Variants in TRPM8 observed in about 807,000 individuals in gnomAD.
The protein encoded by TRPM8 is transient receptor potential cation channel subfamily M member 8.
In TRPM8, 110 loss-of-function variants were observed where a neutral mutation model predicts 133.7. The ratio of observed to expected loss-of-function variants is 0.82; its 90% CI spans 0.70 to 0.96. The LOEUF (loss-of-function observed/expected upper bound fraction) is 0.96, where lower values mean the gene tolerates loss of function less well. Among genes scored for constraint, TRPM8 ranks in the 40% least tolerant of loss-of-function variants. The probability of loss-of-function intolerance (pLI) is 0.00; values close to 1 mark genes in which losing one functional copy is unlikely to be tolerated. For missense variants in TRPM8, 1,291 were observed against 1,379.5 expected (o/e 0.94, Z 1.02); for synonymous variants, 535 against 532.3 (o/e 1.01, Z -0.07).
rs139165353 is a variant in TRPM8 at position 233,937,434 on chromosome 2, C to A, written c.273C>A (p.Tyr91Ter). 6 of 1,614,040 alleles carry A rather than the reference C, an allele frequency of 3.7e-6. No individual in the cohort carries two copies. In the East Asian group the frequency reaches 1.3e-4, roughly 36 times the overall value. Reference sequence around the variant, plus strand: ...TCAACCAAAGTGAGAAATGGAACTACAAGAAACACACCAAGGAATTTCCTA... The same window carrying A: ...TCAACCAAAGTGAGAAATGGAACTAAAAGAAACACACCAAGGAATTTCCTA... ...TQINQSEKWN[Y>*]KKHTKEFPTD... is the part of the protein sequence containing the mutation. Residue 91 changes from tyrosine to a stop codon, truncating the protein, a stop_gained, in exon 4 of 26, where the codon TAC (tyrosine) becomes TAA (stop). Transcript: ENST00000324695. LOFTEE classifies it high-confidence loss of function.
In TRPM8 at chr2:233,942,708, T is replaced by C. The variant is rs893643190; in HGVS notation, c.659T>C (p.Val220Ala). ...VAIGIAAWGM[V>A]SNRDTLIRNC... ...ATTGGCATAGCAGCTTGGGGCATGG[T>C]CTCCAACCGGGACACCCTCATCAGG... The change falls in exon 6 of 26, where the codon GTC (valine) becomes GCC (alanine). Residue 220 changes from valine to alanine, a missense_variant. Val to Ala is a moderately conservative substitution (Grantham distance 64, BLOSUM62 0). Coordinates refer to ENST00000324695, the MANE Select transcript of TRPM8 (RefSeq NM_024080.5). 2.5e-6 allele frequency: 4 copies of C among 1,613,974 alleles called. No individual in the cohort carries two copies. Among genetic ancestry groups the C allele is most frequent in the Admixed American group, 3.3e-5 (2 of 59,992 alleles).
chr2:233,979,170 G>C (rs1399513534), intron 17 of TRPM8, among the ~76,000 whole-genome samples: 1 of 152,156 alleles, frequency 6.6e-6, no homozygotes, highest in Non-Finnish European at 1.5e-5. Context: ...GTGCCCTCTT[G>C]CTTTGGTGAC....
chr2:233,966,807 T>A lies in TRPM8; in HGVS notation c.2025+52T>A, dbSNP rs2125207052. 3.4e-6 allele frequency: 5 copies of A among 1,463,370 alleles called. No homozygotes were observed. The East Asian group carries it at 1.2e-4, about 36-fold the overall frequency. 90.6% of individuals were successfully genotyped at this position (1,463,370 alleles called of 1,614,324 possible). On this transcript the variant is annotated intron_variant, in intron 15 of 25. Transcript: ENST00000324695. ...CACGGCCAGAAATGGGGCTTTTATG[T>A]CAGATGCTACTAGCAGCATTAAACA...
At chr2:233,953,842 T>C in intron 9 of TRPM8, 75 bp from the exon 10 acceptor site, 1 of 1,134,448 alleles carries the variant, frequency 8.8e-7, no homozygotes, top group Non-Finnish European at 1.3e-6. Flanking sequence ...AAAAGATCTC[T>C]CACAAAAAGA....
At chr2:233,984,972 T>C (rs1692109413) in intron 20 of TRPM8, among the ~76,000 whole-genome samples, 1 of 151,810 alleles carries the variant, frequency 6.6e-6, no homozygotes, top group Non-Finnish European at 1.5e-5. Context: ...TAGTCCCAGC[T>C]ACTCGGGAGG....
At chr2:233,959,537 C>T (rs1158020419) in intron 11 of TRPM8, among the ~76,000 whole-genome samples, 1 of 151,932 alleles carries the variant, frequency 6.6e-6, no homozygotes, top group Non-Finnish European at 1.5e-5. Context: ...TCTCAAACTC[C>T]TGACCTCAAT....
At chr2:233,950,281 G>C (rs1691144502) in intron 9 of TRPM8, 135 bp downstream of exon 9, 12 of 812,138 alleles carry the variant, frequency 1.5e-5, no homozygotes, top group Admixed American at 2.7e-5. Flanking sequence ...GGCTCAACAG[G>C]TGTCTTGCTG....
rs752437095 is a variant in TRPM8, at chr2:233,945,989, G to C, written c.833G>C (p.Arg278Pro). Residue 278 changes from arginine to proline, a missense_variant, in exon 7 of 26, where the codon CGG becomes CCG. Around this residue, in one of 2 missense-constraint regions of TRPM8, gnomAD observed 963 missense variants for 968.9 expected, o/e 0.99. Coordinates refer to ENST00000324695, the MANE Select transcript of TRPM8 (RefSeq NM_024080.5). ...HGHPTVEAKL[R>P]NQLEKYISER... The stretch of plus-strand genomic sequence containing the variant: ...CATCCCACTGTCGAAGCAAAGCTCC[G>C]GAATCAGCTAGAGAAGTATATCTCT... The C allele has an allele frequency of 1.2e-6, 2 of 1,613,972 alleles. No individual in the cohort carries two copies. The highest frequency in any genetic ancestry group is 1.7e-6 in the Non-Finnish European group (2 of 1,179,994).
At chr2:233,992,132 GT>G in intron 21 of TRPM8, among the ~76,000 whole-genome samples, 1 of 152,206 alleles carries the variant, frequency 6.6e-6, no homozygotes, top group South Asian at 2.1e-4. Flanking sequence ...TGTTTTTTCA[GT>G]GACTACGTTT....
chr2:233,970,169 G>C (rs183421282), intron 16 of TRPM8, 41 bp from the exon 17 acceptor site: 2 of 1,574,184 alleles, frequency 1.3e-6, no homozygotes, highest in East Asian at 4.5e-5. Context: ...CCCGTCCCAT[G>C]CTTGCAAGGA....
rs778778143 is a variant in TRPM8 at position 234,006,923 on chromosome 2, CAACACAAA to C, written c.3203_3210del (p.Asn1068SerfsTer13). 6.8e-5 allele frequency: 110 copies of C among 1,613,924 alleles called. No homozygotes were observed. ...TGAAGGAAAACTACCTTGTCAAGAT[CAACACAAA>C]AGCCAACGACACCTCAGAGGAGTAT... is the stretch of plus-strand genomic sequence containing the variant. On this transcript the variant is annotated frameshift_variant, in exon 23 of 26. Transcript: ENST00000324695. LOFTEE classifies it high-confidence loss of function.
At chr2:233,949,791 A>G (rs17863848) in intron 8 of TRPM8, among the ~76,000 whole-genome samples, 158 bp from the exon 9 acceptor site, 5 of 152,228 alleles carry the variant, frequency 3.3e-5, no homozygotes, top group African/African-American at 1.2e-4. Flanking sequence ...AGCAATTGAC[A>G]ATATTTGATT....
rs1261756375 is a variant in TRPM8, at chr2:233,990,576, G to A, written c.2939+4711G>A. On this transcript the variant is annotated intron_variant, in intron 21 of 25. Coordinates refer to ENST00000324695, the MANE Select transcript of TRPM8 (RefSeq NM_024080.5). ...AAGCATTTTAAATCTCCACCTGGGG[G>A]TGTGTTTTTTACTATTATAATGAGC... is the stretch of plus-strand genomic sequence containing the variant. 9.8e-5 allele frequency among the ~76,000 whole-genome samples: 15 copies of A among 152,290 alleles called. No homozygotes were observed. The East Asian group carries it at 2.9e-3, about 29-fold the overall frequency.
At chr2:233,972,808 C>T (rs937440001) in intron 17 of TRPM8, among the ~76,000 whole-genome samples, 8 of 152,192 alleles carry the variant, frequency 5.3e-5, no homozygotes, top group Admixed American at 3.9e-4. Context: ...CCATCTGGCC[C>T]GCAAGCTCCA....
At chr2:233,999,674 T>C (rs987054585) in intron 22 of TRPM8, among the ~76,000 whole-genome samples, 2 of 152,242 alleles carry the variant, frequency 1.3e-5, no homozygotes, top group African/African-American at 4.8e-5. Context: ...ACAGCAGAAA[T>C]GCGTGGCGCC....
At chr2:233,997,662 G>T (rs969763967) in intron 22 of TRPM8, among the ~76,000 whole-genome samples, 7 of 152,026 alleles carry the variant, frequency 4.6e-5, no homozygotes, top group African/African-American at 1.7e-4. Context: ...GATTTCTCTG[G>T]TGGCTCCCCC....
chr2:233,936,912 TTTGA>T (rs1690758367), intron 3 of TRPM8, among the ~76,000 whole-genome samples: 1 of 142,150 alleles, frequency 7.0e-6, no homozygotes. Context: ...TTTTTTTTTT[TTTGA>T]GAGGGAGTCT....
intron 3 of TRPM8, among the ~76,000 whole-genome samples, chr2:233,936,226 C>T (rs542309729): frequency 5.9e-5 from 9 of 152,252 alleles, no homozygotes; most frequent in Non-Finnish European, 1.3e-4. Flanking sequence ...AAGGACATCC[C>T]GCTCATCTTG....
At chr2:233,984,131 C>T (rs891548195) in intron 20 of TRPM8, among the ~76,000 whole-genome samples, 8 of 152,132 alleles carry the variant, frequency 5.3e-5, no homozygotes, top group African/African-American at 1.2e-4. Context: ...AATTGGCAGG[C>T]GGGGTTCAGA....
Sources: allele counts gnomAD v4.1 joint callset (sites outside exome capture counted in the v4.1 genomes callset), GRCh38; gene constraint gnomAD v4.1.1; regional missense constraint gnomAD v4.1.1; transcripts MANE v1.5; gene names NCBI Gene and HGNC (gene_info 2026-07-23, HGNC 2026-07-21).